The following YAP1 variants were observed in gnomAD, a reference collection of about 807,000 sequenced individuals.
The protein encoded by YAP1 is transcriptional coactivator YAP1.
A neutral mutation model predicts 56.9 loss-of-function variants in YAP1; 5 were observed. The ratio of observed to expected loss-of-function variants is 0.09; its 90% CI spans 0.05 to 0.18. The LOEUF (loss-of-function observed/expected upper bound fraction) is 0.18. Among genes scored for constraint, YAP1 ranks in the 10% least tolerant of loss-of-function variants. The pLI, the probability that YAP1 is intolerant of heterozygous loss-of-function variation, is 1.00. For synonymous variants in YAP1, 265 were observed against 248.1 expected (o/e 1.07, Z -0.64); for missense variants, 539 against 651.8 (o/e 0.83, Z 1.88).
intron 7 of YAP1, among the ~76,000 whole-genome samples, chr11:102,226,371 G>T (rs1950197155): frequency 6.6e-6 from 1 of 152,212 alleles, no homozygotes; most frequent in Admixed American, 6.5e-5. Flanking sequence ...ATTTAGGGAA[G>T]GCAGTTGGGG....
chr11:102,176,745 C>CAAAAAAAAAAAAAAAAAA lies in YAP1; in HGVS notation c.689-9259_689-9242dup. On this transcript the variant is annotated intron_variant, in intron 3 of 8. Transcript: ENST00000282441. ...TGGGCAACAGAGTAAGACTCCGTCT[C>CAAAAAAAAAAAAAAAAAA]AAAAAAAAAAAAAAAAAAAAAAAAA... 1.1e-3 allele frequency among the ~76,000 whole-genome samples: 48 copies of CAAAAAAAAAAAAAAAAAA among 45,514 alleles called. 4 individuals are homozygous for CAAAAAAAAAAAAAAAAAA. Among genetic ancestry groups the CAAAAAAAAAAAAAAAAAA allele is most frequent in the East Asian group, 1.7e-3 (2 of 1,208 alleles). The allele number at this position is 45,514 out of a possible 152,430, so 29.9% of individuals were successfully genotyped here.
At chr11:102,112,589 C>CGA in intron 1 of YAP1, 1 of 985,280 alleles carries the variant, frequency 1.0e-6, no homozygotes, top group Non-Finnish European at 1.2e-6. Flanking sequence ...CATTCCCTCT[C>CGA]CTATTTGCAG....
chr11:102,115,861 T>C (rs1210593602), intron 2 of YAP1, among the ~76,000 whole-genome samples: 1 of 152,230 alleles, frequency 6.6e-6, no homozygotes, highest in African/African-American at 2.4e-5. Flanking sequence ...GCTGCACTTT[T>C]TTGAACCTCT....
At chr11:102,149,024 G>C (rs1324488229) in intron 2 of YAP1, among the ~76,000 whole-genome samples, 2 of 152,092 alleles carry the variant, frequency 1.3e-5, no homozygotes, top group East Asian at 3.8e-4. Context: ...GTGGTATTCT[G>C]ATATCTTTTA....
intron 2 of YAP1, among the ~76,000 whole-genome samples, chr11:102,142,720 T>G (rs953979585): frequency 6.6e-6 from 1 of 152,182 alleles, no homozygotes; most frequent in Non-Finnish European, 1.5e-5. Flanking sequence ...AGTTTTAGTT[T>G]TAGATTGTTT....
In YAP1 at chr11:102,209,377, C is replaced by T. The variant is rs572213776; in HGVS notation, c.985-140C>T. ...ATGTGGTGACTCCATTGGCTCCTGT[C>T]TTCGTCAGTCTGCTTCTTCTTGGGT... On this transcript the variant is annotated intron_variant, in intron 5 of 8. Transcript: ENST00000282441. 9.6e-4 allele frequency: 720 copies of T among 747,126 alleles called. 1 individual carries two copies. Among genetic ancestry groups the T allele is most frequent in the Non-Finnish European group, 1.3e-3 (617 of 461,210 alleles). The allele number at this position is 747,126 out of a possible 1,614,324, so 46.3% of individuals were successfully genotyped here.
intron 3 of YAP1, among the ~76,000 whole-genome samples, chr11:102,182,892 G>T (rs1470263761): frequency 6.6e-6 from 1 of 152,076 alleles, no homozygotes; most frequent in East Asian, 1.9e-4. Context: ...ATATGTGTTG[G>T]TATAAATGTT....
At chr11:102,144,784 GA>G (rs1945222404) in intron 2 of YAP1, among the ~76,000 whole-genome samples, 1 of 151,824 alleles carries the variant, frequency 6.6e-6, no homozygotes, top group African/African-American at 2.4e-5. Flanking sequence ...ACCCTTTTTG[GA>G]ATAGGTTACT....
At chr11:102,140,191 T>TAAAA (rs10692005) in intron 2 of YAP1, among the ~76,000 whole-genome samples, 15 of 149,506 alleles carry the variant, frequency 1.0e-4, no homozygotes, top group South Asian at 6.3e-4. Flanking sequence ...TCTGTCCCTG[T>TAAAA]AAAAAAAAAA....
chr11:102,159,313 G>A (rs746613877), intron 2 of YAP1, among the ~76,000 whole-genome samples: 4 of 152,148 alleles, frequency 2.6e-5, no homozygotes, highest in South Asian at 2.1e-4. Flanking sequence ...GAGGGTCTCC[G>A]TTCACATGTC....
intron 6 of YAP1, among the ~76,000 whole-genome samples, chr11:102,213,350 G>A (rs751384450): frequency 9.9e-5 from 15 of 152,152 alleles, no homozygotes; most frequent in Admixed American, 6.5e-5. Context: ...TGGATGTGGT[G>A]GGGCGGGCGC....
chr11:102,204,933 A>G (rs1401626641), intron 4 of YAP1, among the ~76,000 whole-genome samples: 1 of 152,158 alleles, frequency 6.6e-6, no homozygotes, highest in East Asian at 1.9e-4. Context: ...GTCAATGTGT[A>G]CTAAACATTT....
intron 2 of YAP1, among the ~76,000 whole-genome samples, chr11:102,154,633 A>G (rs975940682): frequency 3.9e-5 from 6 of 152,182 alleles, no homozygotes; most frequent in African/African-American, 7.2e-5. Flanking sequence ...CTCTTTTGCC[A>G]CATACGAAAT....
rs1950428144 is a variant in YAP1 at position 102,231,273 on chromosome 11, C to T, written c.*1333C>T. The stretch of plus-strand genomic sequence containing the variant: ...AATAAGCTTTATAGTGGTTTACCTT[C>T]ATTTAGCTTTGGAAGTTTTCTTTGC... On this transcript the variant is annotated 3_prime_UTR_variant, in exon 9 of 9. Transcript: ENST00000282441. The T allele has an allele frequency of 6.6e-6, 1 of 152,202 alleles. No individual in the cohort carries two copies. Among genetic ancestry groups the T allele is most frequent in the Admixed American group, 6.5e-5 (1 of 15,278 alleles). The allele number at this position is 152,202 out of a possible 1,614,324, so 9.4% of individuals were successfully genotyped here.
At chr11:102,138,568 T>G (rs753175468) in intron 2 of YAP1, among the ~76,000 whole-genome samples, 2 of 152,258 alleles carry the variant, frequency 1.3e-5, no homozygotes, top group African/African-American at 2.4e-5. Flanking sequence ...TAGATTAGTT[T>G]AGGCATGAAC....
At chr11:102,121,167 G>T (rs1942688) in intron 2 of YAP1, among the ~76,000 whole-genome samples, 57,681 of 152,036 alleles carry the variant, frequency 0.38, 11,165 homozygotes, top group Admixed American at 0.45. Context: ...GCCAGCCGTC[G>T]TAGCTCACGT....
At chr11:102,148,466 G>A (rs953414876) in intron 2 of YAP1, among the ~76,000 whole-genome samples, 2 of 152,114 alleles carry the variant, frequency 1.3e-5, no homozygotes, top group Non-Finnish European at 2.9e-5. Context: ...TTTAGTGGTG[G>A]TTCACTCAGT....
chr11:102,157,073 G>A (rs1945997018), intron 2 of YAP1, among the ~76,000 whole-genome samples: 1 of 152,082 alleles, frequency 6.6e-6, no homozygotes, highest in Non-Finnish European at 1.5e-5. Context: ...GCTCATACTT[G>A]TTCATAATTT....
chr11:102,134,613 A>G (rs1362303906), intron 2 of YAP1, among the ~76,000 whole-genome samples: 1 of 151,784 alleles, frequency 6.6e-6, no homozygotes, highest in Non-Finnish European at 1.5e-5. Context: ...AGGTTAATAA[A>G]GAGAATATTG....
Sources: allele counts gnomAD v4.1 joint callset (sites outside exome capture counted in the v4.1 genomes callset), GRCh38; gene constraint gnomAD v4.1.1; transcripts MANE v1.5; gene names NCBI Gene and HGNC (gene_info 2026-07-23, HGNC 2026-07-21).